TLR6: variants seen among roughly 807,000 people sequenced by gnomAD.
TLR6 encodes the protein toll-like receptor 6.
A neutral mutation model predicts 16.1 loss-of-function variants in TLR6; 9 were observed. That is an observed-to-expected ratio of 0.56 (90% CI 0.34 to 0.98). The LOEUF is 0.98. Among genes scored for constraint, TLR6 ranks in the 50% least tolerant of loss-of-function variants. The probability of loss-of-function intolerance (pLI) is 0.02; values close to 1 mark genes in which losing one functional copy is unlikely to be tolerated. For synonymous variants in TLR6, 340 were observed against 338.6 expected (o/e 1.00, Z -0.04); for missense variants, 786 against 921.0 (o/e 0.85, Z 1.90).
intron 1 of TLR6, among the ~76,000 whole-genome samples, chr4:38,833,966 A>G (rs1358352470): frequency 6.6e-6 from 1 of 151,856 alleles, no homozygotes; most frequent in Admixed American, 6.6e-5. Context: ...GTGGCTCACA[A>G]CTGTAATCCC....
intron 1 of TLR6, among the ~76,000 whole-genome samples, chr4:38,850,429 A>G (rs562242623): frequency 2.6e-5 from 4 of 152,318 alleles, no homozygotes; most frequent in African/African-American, 9.6e-5. Context: ...CAAAAAATCA[A>G]TGAATCCAGG....
At chr4:38,848,005 C>T (rs1343644032) in intron 1 of TLR6, among the ~76,000 whole-genome samples, 2 of 152,198 alleles carry the variant, frequency 1.3e-5, no homozygotes, top group African/African-American at 4.8e-5. Flanking sequence ...TCCCTGACCC[C>T]CATGTAGCCT....
chr4:38,838,243 G>A (rs1712037556), intron 1 of TLR6, among the ~76,000 whole-genome samples: 1 of 152,154 alleles, frequency 6.6e-6, no homozygotes, highest in Admixed American at 6.5e-5. Flanking sequence ...CCCACTTCTG[G>A]ATGTTTATCT....
chr4:38,832,379 G>A (rs1357207798), intron 1 of TLR6, among the ~76,000 whole-genome samples: 1 of 152,204 alleles, frequency 6.6e-6, no homozygotes, highest in Non-Finnish European at 1.5e-5. Context: ...GACTAGCTCA[G>A]AACCAGGAGG....
chr4:38,862,283 A>ATT, the TLR6 span, among the ~76,000 whole-genome samples: 11 of 151,230 alleles, frequency 7.3e-5, no homozygotes, highest in African/African-American at 1.5e-4. Flanking sequence ...TTCCAATCAC[A>ATT]TTTTTTTTTA....
At chr4:38,833,004 C>T (rs1711699923) in intron 1 of TLR6, among the ~76,000 whole-genome samples, 1 of 152,156 alleles carries the variant, frequency 6.6e-6, no homozygotes, top group Non-Finnish European at 1.5e-5. Flanking sequence ...TAGTGCCTGC[C>T]TGCCACTGCC....
intron 1 of TLR6, among the ~76,000 whole-genome samples, chr4:38,834,350 G>GA (rs199516709): frequency 0.18 from 21,925 of 120,704 alleles, 2,346 homozygotes; most frequent in Middle Eastern, 0.5. Flanking sequence ...CCAGTGAGGC[G>GA]AAAAAAAAAA....
chr4:38,835,037 A>G (rs1711840778), intron 1 of TLR6, among the ~76,000 whole-genome samples: 1 of 152,248 alleles, frequency 6.6e-6, no homozygotes, highest in African/African-American at 2.4e-5. Context: ...TCAATGATAA[A>G]CAATGAGAGG....
intron 1 of TLR6, among the ~76,000 whole-genome samples, chr4:38,855,751 G>A (rs17616463): frequency 0.032 from 4,911 of 152,190 alleles, 228 homozygotes; most frequent in African/African-American, 0.089. Flanking sequence ...GCAGTTCCTA[G>A]GGAATACACT....
the TLR6 span, among the ~76,000 whole-genome samples, chr4:38,862,587 AC>A: frequency 9.4e-6 from 1 of 106,100 alleles, no homozygotes; most frequent in African/African-American, 3.9e-5. Flanking sequence ...GGCCCCAATC[AC>A]CATTTTTTTT....
At chr4:38,864,887 G>T in the TLR6 span, among the ~76,000 whole-genome samples, 2 of 152,182 alleles carry the variant, frequency 1.3e-5, no homozygotes, top group Non-Finnish European at 2.9e-5. Context: ...GTGGCACCCT[G>T]TGATCCTAGC....
the TLR6 span, among the ~76,000 whole-genome samples, chr4:38,864,515 G>A: frequency 3.9e-5 from 6 of 152,312 alleles, no homozygotes; most frequent in South Asian, 2.1e-4. Flanking sequence ...TAGATCAATC[G>A]GGAAATAAAT....
chr4:38,867,762 TC>T, the TLR6 span: 2 of 151,052 alleles, frequency 1.3e-5, no homozygotes, highest in Non-Finnish European at 3.0e-5. Context: ...TCCGGCCGCG[TC>T]CCCGCCGGCC....
chr4:38,845,857 C>T (rs762905827), intron 1 of TLR6, among the ~76,000 whole-genome samples: 5 of 152,070 alleles, frequency 3.3e-5, no homozygotes, highest in East Asian at 1.9e-4. Context: ...TTTGGGAGGC[C>T]GAGGTGGATG....
chr4:38,826,017 G>GATCCCAA (rs373682521), exon 2 of TLR6: 93,326 of 151,748 alleles, frequency 0.62, 29,979 homozygotes, highest in African/African-American at 0.8. Context: ...CCCACCCTCG[G>GATCCCAA]ACTCCAGCAA....
the TLR6 span, among the ~76,000 whole-genome samples, chr4:38,864,115 C>T: frequency 6.6e-6 from 1 of 152,254 alleles, no homozygotes; most frequent in African/African-American, 2.4e-5. Flanking sequence ...TGCAATGCCA[C>T]TTTATCAGTA....
chr4:38,830,079 T>C (rs1727753162), intron 1 of TLR6, among the ~76,000 whole-genome samples: 1 of 152,232 alleles, frequency 6.6e-6, no homozygotes, highest in Non-Finnish European at 1.5e-5. Context: ...AGAGGAGACC[T>C]GAGAAAATCC....
intron 1 of TLR6, among the ~76,000 whole-genome samples, chr4:38,852,457 G>A (rs1312158908): frequency 2.0e-5 from 3 of 152,092 alleles, no homozygotes; most frequent in Non-Finnish European, 4.4e-5. Context: ...TACAGAATGG[G>A]AGAAAATTTT....
At chr4:38,828,152 G>A in exon 2 of TLR6, 1 of 1,614,212 alleles carries the variant, frequency 6.2e-7, no homozygotes, top group Admixed American at 1.7e-5. Context: ...AACAGAGTCA[G>A]TAAGCATATT....
Sources: allele counts gnomAD v4.1 joint callset (sites outside exome capture counted in the v4.1 genomes callset), GRCh38; gene constraint gnomAD v4.1.1; transcripts MANE v1.5; gene names NCBI Gene and HGNC (gene_info 2026-07-23, HGNC 2026-07-21).